NLGN1: variants seen among roughly 807,000 people sequenced by gnomAD.
NLGN1 encodes the protein neuroligin 1, also known as neuroligin-1.
In NLGN1, 12 loss-of-function variants were observed where a neutral mutation model predicts 65.5. The observed-to-expected ratio is 0.18, with a 90% confidence interval of 0.12 to 0.30. NLGN1 has a LOEUF of 0.30. Ranked by LOEUF, NLGN1 falls within the 10% of genes least tolerant of loss-of-function variation. NLGN1 has a pLI of 1.00. For synonymous variants in NLGN1, 350 were observed against 359.5 expected, an observed-to-expected ratio of 0.97 and a Z score of 0.30; for missense variants, 750 against 1,007.1, an observed-to-expected ratio of 0.74 and a Z score of 3.46.
chr3:173,718,767 A>G (rs1350461505), intron 3 of NLGN1, among the ~76,000 whole-genome samples: 3 of 152,194 alleles, frequency 2.0e-5, no homozygotes, highest in South Asian at 2.1e-4. Context: ...TTGTTTCAAA[A>G]TAAGTGGTAA....
rs538258491 is a variant in NLGN1, at chr3:174,080,757, T to G, written c.647-194558T>G. Reference sequence around the variant, plus strand: ...GAGGCTGCTGATCATCAGTTTCAGGTTTTTTTTTTTGGTTGTTTATTTGTT... The same window carrying G: ...GAGGCTGCTGATCATCAGTTTCAGGGTTTTTTTTTTGGTTGTTTATTTGTT... On this transcript the variant is annotated intron_variant, in intron 4 of 6. Transcript: ENST00000457714. Among the ~76,000 whole-genome samples the G allele has an allele frequency of 4.2e-5, 6 of 143,284 alleles. No individual in the cohort carries two copies. In the East Asian group the frequency reaches 7.1e-4, roughly 17 times the overall value. The allele number at this position is 143,284 out of a possible 152,430, so 94.0% of individuals were successfully genotyped here.
At chr3:173,866,195 T>G (rs530970305) in intron 4 of NLGN1, among the ~76,000 whole-genome samples, 1 of 152,306 alleles carries the variant, frequency 6.6e-6, no homozygotes, top group Admixed American at 6.5e-5. Context: ...GCTCAGTACC[T>G]TGAACATTTC....
intron 4 of NLGN1, among the ~76,000 whole-genome samples, chr3:173,930,034 C>T (rs1743796039): frequency 6.6e-6 from 1 of 152,090 alleles, no homozygotes; most frequent in Admixed American, 6.6e-5. Flanking sequence ...CTTCCTACAA[C>T]TTTTTTCTGA....
chr3:173,458,263 CTTTGT>C (rs368391078), intron 2 of NLGN1, among the ~76,000 whole-genome samples: 26 of 151,756 alleles, frequency 1.7e-4, no homozygotes, highest in African/African-American at 5.3e-4. Context: ...TTTTCTTTTG[CTTTGT>C]TTTGTTTTGT....
At chr3:174,228,419 T>G (rs548371934) in intron 4 of NLGN1, among the ~76,000 whole-genome samples, 98 of 152,236 alleles carry the variant, frequency 6.4e-4, no homozygotes, top group African/African-American at 2.3e-3. Flanking sequence ...ATCATTTTTC[T>G]TCATCCCCAA....
chr3:174,237,308 T>C lies in NLGN1; in HGVS notation c.647-38007T>C, dbSNP rs181825936. Among the ~76,000 whole-genome samples, 380 of 152,310 alleles carry C rather than the reference T, an allele frequency of 2.5e-3. 3 individuals are homozygous for C. The highest frequency in any genetic ancestry group is 7.5e-3 in the African/African-American group (313 of 41,586). On this transcript the variant is annotated intron_variant, in intron 4 of 6. Transcript: ENST00000457714. The stretch of plus-strand genomic sequence containing the variant: ...CAGATTCTATTCCAATATTACATTT[T>C]GTTTTGTTCATTTGTCTATCCAAAA...
chr3:173,985,064 G>T (rs1199667970), intron 4 of NLGN1, among the ~76,000 whole-genome samples: 1 of 152,058 alleles, frequency 6.6e-6, no homozygotes, highest in African/African-American at 2.4e-5. Flanking sequence ...AACAAAAATT[G>T]CCTGGTGCCA....
At chr3:174,192,246 TAAAA>T (rs532964021) in intron 4 of NLGN1, among the ~76,000 whole-genome samples, 4 of 152,138 alleles carry the variant, frequency 2.6e-5, no homozygotes, top group Non-Finnish European at 5.9e-5. Context: ...AATTTTAACT[TAAAA>T]AATTCAAAAT....
Position 174,116,465 on chromosome 3 carries a change from G to A in NLGN1, c.647-158850G>A, listed in dbSNP as rs184656968. Among the ~76,000 whole-genome samples, 373 of 150,172 alleles carry A rather than the reference G, an allele frequency of 2.5e-3. 1 individual carries two copies. The highest frequency in any genetic ancestry group is 7.3e-3 in the African/African-American group (296 of 40,774). On this transcript the variant is annotated intron_variant, in intron 4 of 6. Transcript: ENST00000457714. ...GGATTCTCATATCTCAGCCTCCTGA[G>A]TAGCTGGGATTACAAGTATGTGCCA...
chr3:173,718,367 G>A (rs981896709), intron 3 of NLGN1, among the ~76,000 whole-genome samples: 1 of 151,876 alleles, frequency 6.6e-6, no homozygotes, highest in Non-Finnish European at 1.5e-5. Context: ...AATCTTTTTA[G>A]TTCCCAAATA....
intron 4 of NLGN1, among the ~76,000 whole-genome samples, chr3:173,840,943 G>A (rs184111079): frequency 6.6e-6 from 1 of 152,200 alleles, no homozygotes; most frequent in Admixed American, 6.5e-5. Flanking sequence ...CAGCTTACCT[G>A]TACAACCTCA....
intron 4 of NLGN1, among the ~76,000 whole-genome samples, chr3:174,128,662 G>C (rs1237177400): frequency 6.6e-6 from 1 of 152,120 alleles, no homozygotes; most frequent in Non-Finnish European, 1.5e-5. Context: ...CCCATAGTGA[G>C]GGTGCTTTTA....
At chr3:173,852,250 G>A (rs979436407) in intron 4 of NLGN1, among the ~76,000 whole-genome samples, 2 of 149,258 alleles carry the variant, frequency 1.3e-5, no homozygotes, top group Admixed American at 1.3e-4. Flanking sequence ...CAGCTACTCG[G>A]GAGGCTGAGG....
rs531071855 is a variant in NLGN1 at position 173,532,533 on chromosome 3, A to G, written c.-320-71746A>G. Among the ~76,000 whole-genome samples the G allele has an allele frequency of 1.1e-4, 16 of 152,280 alleles. No individual in the cohort carries two copies. In the South Asian group the frequency reaches 3.1e-3, roughly 30 times the overall value. ...TTTCTAAGCCACTTGTCTTACTTGTATATGTGTGTTTCTTGAAGAAATCTT... is the reference window on the plus strand; with the variant it reads ...TTTCTAAGCCACTTGTCTTACTTGTGTATGTGTGTTTCTTGAAGAAATCTT... On this transcript the variant is annotated intron_variant, in intron 2 of 6. Transcript: ENST00000457714.
intron 4 of NLGN1, among the ~76,000 whole-genome samples, chr3:173,883,380 T>C (rs1733703414): frequency 6.6e-6 from 1 of 152,162 alleles, no homozygotes; most frequent in African/African-American, 2.4e-5. Flanking sequence ...GTGTGGTTTG[T>C]GGCACCTCAA....
At chr3:173,418,537 C>A (rs1315324122) in intron 1 of NLGN1, among the ~76,000 whole-genome samples, 1 of 152,100 alleles carries the variant, frequency 6.6e-6, no homozygotes, top group African/African-American at 2.4e-5. Context: ...TTTTCCAATC[C>A]AATAGGTATG....
At chr3:173,595,936 C>T (rs746757048) in intron 2 of NLGN1, among the ~76,000 whole-genome samples, 37 of 152,274 alleles carry the variant, frequency 2.4e-4, no homozygotes, top group Non-Finnish European at 4.1e-4. Flanking sequence ...TCCCACAACA[C>T]GTGGGAATTA....
At chr3:173,444,323 C>T (rs1338390392) in intron 2 of NLGN1, among the ~76,000 whole-genome samples, 1 of 152,106 alleles carries the variant, frequency 6.6e-6, no homozygotes, top group African/African-American at 2.4e-5. Context: ...GCAGGTAATG[C>T]TGCTCATCAA....
Position 173,413,746 on chromosome 3 carries a change from A to T in NLGN1, c.-390+15259A>T, listed in dbSNP as rs78394495. Among the ~76,000 whole-genome samples the T allele has an allele frequency of 9.3e-4, 141 of 152,306 alleles. 2 individuals carry two copies. In the East Asian group the frequency reaches 0.023, roughly 25 times the overall value. On this transcript the variant is annotated intron_variant, in intron 1 of 6. Transcript: ENST00000457714. ...CTTCCTTCAGGAGCCTTGACCCCAG[A>T]TGTCTAGAGAAGTTCAGGGCCAGAG...
Sources: gnomAD v4.1 joint callset for allele counts (sites outside exome capture counted in the v4.1 genomes callset) on GRCh38, gnomAD v4.1.1 for gene constraint, MANE v1.5 for transcripts, NCBI Gene and HGNC (gene_info 2026-07-23, HGNC 2026-07-21) for gene names.